NSRP1: variants seen among roughly 807,000 people sequenced by gnomAD.
NSRP1 encodes the protein nuclear speckle splicing regulatory protein 1.
A neutral mutation model predicts 54.7 loss-of-function variants in NSRP1; 24 were observed. That is an observed-to-expected ratio of 0.44 (90% CI 0.32 to 0.62). NSRP1 has a LOEUF of 0.62. Ranked by LOEUF, NSRP1 falls within the 20% of genes least tolerant of loss-of-function variation. The pLI, the probability that NSRP1 is intolerant of heterozygous loss-of-function variation, is 0.06. For synonymous variants in NSRP1, 210 were observed against 213.8 expected (o/e 0.98, Z 0.15); for missense variants, 596 against 651.2 (o/e 0.92, Z 0.92).
chr17:30,173,254 G>T (rs938166692), intron 3 of NSRP1, among the ~76,000 whole-genome samples: 1 of 152,186 alleles, frequency 6.6e-6, no homozygotes, highest in African/African-American at 2.4e-5. Context: ...GTGAGCCACC[G>T]TGCGCGGCCT....
chr17:30,153,291 TC>T, intron 2 of NSRP1, among the ~76,000 whole-genome samples: 1 of 152,286 alleles, frequency 6.6e-6, no homozygotes, highest in South Asian at 2.1e-4. Flanking sequence ...CTTTTAAAAA[TC>T]CAATCCCAGA....
chr17:30,135,542 C>T (rs888278212), intron 2 of NSRP1, among the ~76,000 whole-genome samples: 19 of 152,020 alleles, frequency 1.2e-4, no homozygotes, highest in Admixed American at 3.9e-4. Flanking sequence ...GGCGCGATCT[C>T]GGCTCACTGC....
chr17:30,178,111 C>T lies in NSRP1; in HGVS notation c.212C>T (p.Thr71Ile). Reference sequence around the variant, plus strand: ...CAGAAGGCCCTTGCAGAAGATGCTACTGTGTATGAATATGACAGTATTTAT... The same window carrying T: ...CAGAAGGCCCTTGCAGAAGATGCTATTGTGTATGAATATGACAGTATTTAT... ...EIQKALAEDA[T>I]VYEYDSIYDE... The change falls in exon 4 of 7, where the codon ACT becomes ATT. Residue 71 changes from threonine (T) to isoleucine (I), a missense_variant. By Grantham distance (89) the Thr-to-Ile change is moderately conservative. Transcript: ENST00000247026. The T allele has an allele frequency of 1.2e-6, 2 of 1,611,806 alleles. No homozygotes were observed. Among genetic ancestry groups the T allele is most frequent in the Non-Finnish European group, 1.7e-6 (2 of 1,179,366 alleles).
intron 2 of NSRP1, chr17:30,162,981 G>C (rs1025312375): frequency 1.3e-5 from 2 of 152,032 alleles, no homozygotes; most frequent in African/African-American, 2.4e-5. Context: ...CCGGGTTCAA[G>C]TGATTCTCCT....
In NSRP1 at chr17:30,185,400, A is replaced by T. The variant is rs1905493277; in HGVS notation, c.1403A>T (p.Asp468Val). 1 of 1,611,576 alleles carries T rather than the reference A, an allele frequency of 6.2e-7. No homozygotes were observed. Among genetic ancestry groups the T allele is most frequent in the Non-Finnish European group, 8.5e-7 (1 of 1,179,476 alleles). Residue 468 changes from aspartate (D) to valine (V), a missense_variant, in exon 7 of 7, where the codon GAC (aspartate) becomes GTC (valine). Physicochemically the swap from Asp to Val is radical, Grantham distance 152. Coordinates refer to ENST00000247026, the MANE Select transcript of NSRP1 (RefSeq NM_032141.4). ...PNSRAKDKFL[D>V]QERSNKMRNM... ...TCTAGGGCAAAGGATAAATTTCTTG[A>T]CCAAGAAAGATCCAACAAAATGAGA...
intron 2 of NSRP1, among the ~76,000 whole-genome samples, chr17:30,167,945 A>T (rs937362877): frequency 6.6e-6 from 1 of 152,192 alleles, no homozygotes; most frequent in African/African-American, 2.4e-5. Flanking sequence ...ATCATACCTC[A>T]GCTTTACGTT....
rs1173220258 is a variant in NSRP1, at chr17:30,178,145, G to C, written c.246G>C (p.Met82Ile). Reference protein sequence around the residue: ...VYEYDSIYDEMQKKKEENNPK... With the variant: ...VYEYDSIYDEIQKKKEENNPK... ...AATATGACAGTATTTATGATGAAAT[G>C]CAGAAAAAAAAGGAGGAAAATAATC... Residue 82 changes from methionine (M) to isoleucine (I), a missense_variant, in exon 4 of 7, where the codon ATG becomes ATC. Transcript: ENST00000247026. 6.8e-6 allele frequency: 11 copies of C among 1,607,914 alleles called. No homozygotes were observed. Among genetic ancestry groups the C allele is most frequent in the Non-Finnish European group, 9.3e-6 (11 of 1,178,020 alleles).
chr17:30,185,125 A>G lies in NSRP1; in HGVS notation c.1128A>G (p.Arg376=), dbSNP rs752591015. The G allele has an allele frequency of 3.1e-6, 5 of 1,609,410 alleles. No individual in the cohort carries two copies. The South Asian group carries it at 5.5e-5, about 18-fold the overall frequency. ...RARDQRERSD[R]VWKREKDREK... ...GGGACCAAAGAGAAAGAAGTGACAG[A>G]GTATGGAAAAGGGAGAAAGATAGGG... The change falls in exon 7 of 7, where the codon AGA becomes AGG. Residue 376 remains arginine (R), a synonymous_variant. Transcript: ENST00000247026.
rs534425130 is a variant in NSRP1 at position 30,133,286 on chromosome 17, C to T, written c.114+15113C>T. Among the ~76,000 whole-genome samples, 5 of 152,162 alleles carry T rather than the reference C, an allele frequency of 3.3e-5. No homozygotes were observed. The East Asian group carries it at 7.7e-4, about 23-fold the overall frequency. Reference sequence around the variant, plus strand: ...TATTTCTTAAATAAGCCTTGAAGGTCAGAATTACTCCTTGAACCATTTGCT... The same window carrying T: ...TATTTCTTAAATAAGCCTTGAAGGTTAGAATTACTCCTTGAACCATTTGCT... On this transcript the variant is annotated intron_variant, in intron 2 of 6. Transcript: ENST00000247026.
At chr17:30,140,644 T>C (rs1486758029) in intron 2 of NSRP1, among the ~76,000 whole-genome samples, 2 of 145,938 alleles carry the variant, frequency 1.4e-5, no homozygotes, top group African/African-American at 5.0e-5. Flanking sequence ...TTCTCCTGCC[T>C]CAGCTTCCCT....
chr17:30,168,654 T>G (rs4533341), intron 2 of NSRP1, among the ~76,000 whole-genome samples: 56,902 of 149,762 alleles, frequency 0.38, 13,304 homozygotes, highest in East Asian at 0.82. Context: ...GGAAATTGTT[T>G]TTAATTGTAG....
Position 30,185,301 on chromosome 17 carries a change from G to A in NSRP1, c.1304G>A (p.Arg435Lys), listed in dbSNP as rs372452182. ...AGATATGAAAATAATGATAAATACA[G>A]AGATAGAGAAAAACGAGAGGTAGGT... ...KERYENNDKY[R>K]DREKREVGVQ... The change falls in exon 7 of 7, where the codon AGA becomes AAA. Residue 435 changes from arginine to lysine, a missense_variant. Coordinates refer to ENST00000247026, the MANE Select transcript of NSRP1 (RefSeq NM_032141.4). The A allele has an allele frequency of 2.5e-6, 4 of 1,605,338 alleles. No homozygotes were observed. Among genetic ancestry groups the A allele is most frequent in the Non-Finnish European group, 2.5e-6 (3 of 1,177,824 alleles).
At chr17:30,116,962 T>C in intron 1 of NSRP1, 99 bp downstream of exon 1, 2 of 1,388,174 alleles carry the variant, frequency 1.4e-6, no homozygotes, top group Admixed American at 2.0e-5. Context: ...GTGAAGGGAC[T>C]GTGTCGTCAA....
At chr17:30,166,900 T>C (rs556450361) in intron 2 of NSRP1, among the ~76,000 whole-genome samples, 107 of 152,288 alleles carry the variant, frequency 7.0e-4, no homozygotes, top group African/African-American at 2.5e-3. Context: ...CACTCCAACC[T>C]GGGCAGCAGA....
chr17:30,144,163 G>A (rs1441116211), intron 2 of NSRP1: 4 of 151,070 alleles, frequency 2.6e-5, no homozygotes, highest in South Asian at 2.1e-4. Flanking sequence ...TTCACAACCC[G>A]TTTATGCTTC....
intron 1 of NSRP1, 134 bp downstream of exon 1, chr17:30,116,997 A>T: frequency 1.1e-5 from 13 of 1,144,982 alleles, no homozygotes; most frequent in Non-Finnish European, 1.7e-5. Context: ...AAAAACGAGA[A>T]GTCCTGAGGA....
At chr17:30,129,739 GCC>G (rs2071683106) in intron 2 of NSRP1, among the ~76,000 whole-genome samples, 1 of 152,146 alleles carries the variant, frequency 6.6e-6, no homozygotes, top group Non-Finnish European at 1.5e-5. Flanking sequence ...ATCAGATAAT[GCC>G]TTACTTCTGT....
intron 2 of NSRP1, among the ~76,000 whole-genome samples, chr17:30,138,777 A>ATT (rs745437589): frequency 3.9e-5 from 6 of 152,004 alleles, no homozygotes; most frequent in Non-Finnish European, 7.4e-5. Flanking sequence ...TGGCTGTATC[A>ATT]TTTTACATTC....
Position 30,124,651 on chromosome 17 carries a change from G to A in NSRP1, c.114+6478G>A, listed in dbSNP as rs116837354. Among the ~76,000 whole-genome samples the A allele has an allele frequency of 1.6e-3, 244 of 152,332 alleles. 2 individuals carry two copies. The highest frequency in any genetic ancestry group is 5.7e-3 in the African/African-American group (236 of 41,574). ...AAGTAGGAGATGGTTCTTGGAGGCT[G>A]GGGACCAGAGTTACCTGGTGGGAAC... is the stretch of plus-strand genomic sequence containing the variant. On this transcript the variant is annotated intron_variant, in intron 2 of 6. Coordinates refer to ENST00000247026, the MANE Select transcript of NSRP1 (RefSeq NM_032141.4).
Sources: gnomAD v4.1 joint callset for allele counts (sites outside exome capture counted in the v4.1 genomes callset) on GRCh38, gnomAD v4.1.1 for gene constraint, MANE v1.5 for transcripts, NCBI Gene and HGNC (gene_info 2026-07-23, HGNC 2026-07-21) for gene names.